Variants in CEP350 observed in about 807,000 individuals in gnomAD.
CEP350 encodes the protein centrosome-associated protein 350.
CEP350 carries 126 observed loss-of-function variants against 331.8 expected under a neutral mutation model. That is an observed-to-expected ratio of 0.38 (90% CI 0.33 to 0.44). The LOEUF is 0.44. Among genes scored for constraint, CEP350 ranks in the 20% least tolerant of loss-of-function variants. CEP350 has a pLI of 1.00. For synonymous variants in CEP350, 1,200 were observed against 1,259.5 expected, an observed-to-expected ratio of 0.95 and a Z score of 1.00; for missense variants, 3,406 against 3,634.6, an observed-to-expected ratio of 0.94 and a Z score of 1.62.
chr1:179,986,339 C>A (rs1400048898), intron 2 of CEP350, 85 bp downstream of exon 2: 3 of 801,346 alleles, frequency 3.7e-6, no homozygotes, highest in East Asian at 2.7e-5. Flanking sequence ...GAAAATTATA[C>A]CTATGCTTTG....
intron 18 of CEP350, 47 bp from the exon 19 acceptor site, chr1:180,041,615 G>A: frequency 6.6e-7 from 1 of 1,524,902 alleles, no homozygotes; most frequent in Non-Finnish European, 8.9e-7. Context: ...TTCAGGAGGA[G>A]GGGAGATTAA....
At chr1:180,078,793 A>G (rs1659391215) in intron 29 of CEP350, 119 bp downstream of exon 29, 1 of 776,594 alleles carries the variant, frequency 1.3e-6, no homozygotes, top group South Asian at 2.1e-5. Flanking sequence ...TGTAACATAT[A>G]GGATATAACA....
intron 1 of CEP350, among the ~76,000 whole-genome samples, chr1:179,978,639 G>A (rs550925817): frequency 3.3e-5 from 5 of 152,110 alleles, no homozygotes; most frequent in African/African-American, 1.2e-4. Flanking sequence ...GCTGTGTTTA[G>A]CTTTCTGTTC....
intron 21 of CEP350, 151 bp from the exon 22 acceptor site, chr1:180,048,385 T>C (rs1342373049): frequency 8.5e-6 from 5 of 585,756 alleles, no homozygotes; most frequent in Middle Eastern, 4.4e-4. Flanking sequence ...CTCAGACTTA[T>C]GTTACTTAGC....
Position 180,013,952 on chromosome 1 carries a change from A to G in CEP350, c.1499A>G (p.Asn500Ser). The part of the protein sequence containing the change: ...RSRSKSRSEN[N>S]IKKLASSLPD... ...AGAAGTAAATCTCGGTCTGAAAATA[A>G]TATAAAGAAACTAGCTTCATCTCTT... Residue 500 changes from asparagine to serine, a missense_variant, in exon 10 of 38, where the codon AAT (asparagine) becomes AGT (serine). This residue lies in a region of CEP350 where 1,857 missense variants were observed against 1,909.2 expected (regional missense o/e 0.97). Coordinates refer to ENST00000367607, the MANE Select transcript of CEP350 (RefSeq NM_014810.5). 1.2e-6 allele frequency: 2 copies of G among 1,613,882 alleles called. No homozygotes were observed. Among genetic ancestry groups the G allele is most frequent in the South Asian group, 1.1e-5 (1 of 91,072 alleles).
At chr1:180,004,902 G>C (rs71516918) in intron 7 of CEP350, among the ~76,000 whole-genome samples, 1 of 125,430 alleles carries the variant, frequency 8.0e-6, no homozygotes, top group African/African-American at 3.5e-5. Context: ...TTGCTTGCTT[G>C]CTTGCTTTCT....
Position 180,092,638 on chromosome 1 carries a change from G to A in CEP350, c.6533G>A (p.Arg2178Lys), listed in dbSNP as rs1182267732. The change falls in exon 34 of 38, where the codon AGA becomes AAA. Residue 2178 changes from arginine (R) to lysine (K), a missense_variant. By Grantham distance (26) the Arg-to-Lys change is conservative. Around this residue, in one of 5 missense-constraint regions of CEP350, gnomAD observed 1,415 missense variants for 1,512.3 expected, o/e 0.94. Coordinates refer to ENST00000367607, the MANE Select transcript of CEP350 (RefSeq NM_014810.5). Reference sequence around the variant, plus strand: ...GATGCTTCACTGTCTGGTTCTGAGAGATCAGTATCAGAAAGGTCTTTATCT... The same window carrying A: ...GATGCTTCACTGTCTGGTTCTGAGAAATCAGTATCAGAAAGGTCTTTATCT... ...HVDASLSGSE[R>K]SVSERSLSAY... 1 of 1,590,202 alleles carries A rather than the reference G, an allele frequency of 6.3e-7. No individual in the cohort carries two copies. The highest frequency in any genetic ancestry group is 8.6e-7 in the Non-Finnish European group (1 of 1,168,114).
chr1:179,990,665 A>T, intron 4 of CEP350, 44 bp downstream of exon 4: 2 of 1,064,696 alleles, frequency 1.9e-6, no homozygotes, highest in Non-Finnish European at 2.7e-6. Context: ...TATTAAATAT[A>T]AATTTTGACA....
At chr1:180,100,296 A>T (rs2149163382) in intron 37 of CEP350, among the ~76,000 whole-genome samples, 1 of 152,348 alleles carries the variant, frequency 6.6e-6, no homozygotes, top group East Asian at 1.9e-4. Context: ...AAGAGACGAG[A>T]TTTTAATCAA....
chr1:180,073,708 C>A, intron 27 of CEP350: 3 of 1,141,780 alleles, frequency 2.6e-6, no homozygotes, highest in Admixed American at 2.8e-5. Context: ...GTTCTTCACT[C>A]AGCTCTTACG....
chr1:179,955,062 G>T lies in CEP350; in HGVS notation c.-94G>T. ...GGCCAGGCCGGGCAGCCCTGGGGCCGGTCGGGGCGGCGTCACTGCACCCTC... is the reference window on the plus strand; with the variant it reads ...GGCCAGGCCGGGCAGCCCTGGGGCCTGTCGGGGCGGCGTCACTGCACCCTC... On this transcript the variant is annotated 5_prime_UTR_variant, in exon 1 of 38. Coordinates refer to ENST00000367607, the MANE Select transcript of CEP350 (RefSeq NM_014810.5). 1 of 1,413,018 alleles carries T rather than the reference G, an allele frequency of 7.1e-7. No homozygotes were observed. The highest frequency in any genetic ancestry group is 9.2e-7 in the Non-Finnish European group (1 of 1,085,148). 87.5% of individuals were successfully genotyped at this position (1,413,018 alleles called of 1,614,324 possible). A position where few individuals can be genotyped will look rare whatever the true frequency, so the allele number is the denominator to read the frequency against.
chr1:180,045,619 A>G (rs1338566368), intron 21 of CEP350, among the ~76,000 whole-genome samples: 6 of 152,296 alleles, frequency 3.9e-5, no homozygotes, highest in Admixed American at 6.5e-5. Context: ...ACCTTTACTG[A>G]CACCTTCACT....
intron 24 of CEP350, 38 bp downstream of exon 24, chr1:180,053,972 T>C: frequency 7.1e-7 from 1 of 1,418,242 alleles, no homozygotes; most frequent in Non-Finnish European, 9.4e-7. Context: ...ATTTCTTCAT[T>C]CATAAAATGG....
In CEP350 at chr1:180,098,891, T is replaced by G. The variant is rs1273513100; in HGVS notation, c.9095T>G (p.Leu3032Trp). 3 of 1,613,476 alleles carry G rather than the reference T, an allele frequency of 1.9e-6. No homozygotes were observed. Among genetic ancestry groups the G allele is most frequent in the Non-Finnish European group, 1.7e-6 (2 of 1,179,620 alleles). ...KSFIASEVLK[L>W]FSLKKEPNHK... ...TTCATAGCAAGTGAAGTACTCAAGTTGTTCAGTCTTAAAAAGGAGCCAAAC... is the reference window on the plus strand; with the variant it reads ...TTCATAGCAAGTGAAGTACTCAAGTGGTTCAGTCTTAAAAAGGAGCCAAAC... Residue 3032 changes from leucine (L) to tryptophan (W), a missense_variant, in exon 37 of 38, where the codon TTG becomes TGG. By Grantham distance (61) the Leu-to-Trp change is moderately conservative. Around this residue, in one of 5 missense-constraint regions of CEP350, gnomAD observed 1,415 missense variants for 1,512.3 expected, o/e 0.94. Coordinates refer to ENST00000367607, the MANE Select transcript of CEP350 (RefSeq NM_014810.5).
intron 4 of CEP350, among the ~76,000 whole-genome samples, chr1:179,991,320 T>C (rs868491197): frequency 1.6e-4 from 23 of 145,838 alleles, no homozygotes; most frequent in Middle Eastern, 3.4e-3. Context: ...TTTTCTTTTT[T>C]TTTTTTTTTT....
At chr1:179,974,559 A>C (rs756424557) in intron 1 of CEP350, among the ~76,000 whole-genome samples, 1 of 152,202 alleles carries the variant, frequency 6.6e-6, no homozygotes, top group East Asian at 1.9e-4. Context: ...AGCACTCATT[A>C]TATTGTATAC....
intron 7 of CEP350, 23 bp from the exon 8 acceptor site, chr1:180,006,431 C>A: frequency 9.3e-7 from 1 of 1,071,742 alleles, no homozygotes; most frequent in Non-Finnish European, 1.4e-6. Context: ...GTTATATTTG[C>A]TGTAAATATT....
chr1:180,032,326 T>C (rs1350325228), intron 15 of CEP350, among the ~76,000 whole-genome samples: 2 of 152,152 alleles, frequency 1.3e-5, no homozygotes, highest in African/African-American at 2.4e-5. Flanking sequence ...TTTAGTGCTT[T>C]CATGTTACAA....
At chr1:179,999,245 A>G (rs950292525) in intron 6 of CEP350, among the ~76,000 whole-genome samples, 9 of 152,190 alleles carry the variant, frequency 5.9e-5, no homozygotes, top group African/African-American at 2.2e-4. Context: ...ATAATTTATA[A>G]AAACCTAAAA....
Sources: allele counts gnomAD v4.1 joint callset (sites outside exome capture counted in the v4.1 genomes callset), GRCh38; gene constraint gnomAD v4.1.1; regional missense constraint gnomAD v4.1.1; transcripts MANE v1.5; gene names NCBI Gene and HGNC (gene_info 2026-07-23, HGNC 2026-07-21).